C3orf70: variants seen among roughly 807,000 people sequenced by gnomAD.
C3orf70 encodes UPF0524 protein C3orf70.
A neutral mutation model predicts 20.7 loss-of-function variants in C3orf70; 15 were observed. The ratio of observed to expected loss-of-function variants is 0.72; its 90% confidence interval spans 0.48 to 1.11. The LOEUF (loss-of-function observed/expected upper bound fraction) is 1.11, where lower values mean the gene tolerates loss of function less well. Ranked by LOEUF, C3orf70 falls within the 50% of genes most tolerant of loss-of-function variation. The pLI, the probability that C3orf70 is intolerant of heterozygous loss-of-function variation, is 0.00. For synonymous variants in C3orf70, 161 were observed against 125.7 expected, an observed-to-expected ratio of 1.28 and a Z score of -1.88; for missense variants, 332 against 317.6, an observed-to-expected ratio of 1.05 and a Z score of -0.34.
intron 1 of C3orf70, among the ~76,000 whole-genome samples, chr3:185,130,667 C>T (rs938430682): frequency 7.2e-5 from 11 of 152,154 alleles, no homozygotes; most frequent in Admixed American, 5.2e-4. Context: ...TCTGTCTCTA[C>T]AAATTTGCTT....
chr3:185,144,895 T>C (rs1346706938), intron 1 of C3orf70, among the ~76,000 whole-genome samples: 1 of 152,210 alleles, frequency 6.6e-6, no homozygotes, highest in Non-Finnish European at 1.5e-5. Flanking sequence ...GCACCCACCA[T>C]GGCGCTTGGA....
chr3:185,092,582 G>A (rs1270452824), intron 1 of C3orf70, among the ~76,000 whole-genome samples: 1 of 152,190 alleles, frequency 6.6e-6, no homozygotes, highest in African/African-American at 2.4e-5. Context: ...TCCTCATGGA[G>A]CTTACACTCT....
At position 185,083,280 on chromosome 3, in the gene C3orf70, C is replaced by T. The variant is rs762650784; in HGVS notation, c.480G>A (p.Glu160=). The change falls in exon 2 of 2, where the codon GAG becomes GAA. Residue 160 remains glutamate (E), a synonymous_variant. Transcript: ENST00000335012. ...PAPHSHRMSP[E]EVSAHDALIS... is the part of the protein sequence containing the mutation. ...TTAAGGCATCGTGTGCAGAGACCTCCTCAGGGCTCATTCTGTGGGAATGTG... is the reference window on the plus strand; with the variant it reads ...TTAAGGCATCGTGTGCAGAGACCTCTTCAGGGCTCATTCTGTGGGAATGTG... 1 of 1,614,208 alleles carries T rather than the reference C, an allele frequency of 6.2e-7. No individual in the cohort carries two copies. Among genetic ancestry groups the T allele is most frequent in the Non-Finnish European group, 8.5e-7 (1 of 1,180,046 alleles).
chr3:185,089,663 T>C (rs1715525436), intron 1 of C3orf70, among the ~76,000 whole-genome samples: 1 of 152,188 alleles, frequency 6.6e-6, no homozygotes, highest in Non-Finnish European at 1.5e-5. Flanking sequence ...AATATAAAAA[T>C]ATCACAAACT....
rs1407128714 is a variant in C3orf70 at position 185,143,420 on chromosome 3, T to A, written c.196+9208A>T. Among the ~76,000 whole-genome samples the A allele has an allele frequency of 3.3e-5, 5 of 152,314 alleles. 1 individual carries two copies. The South Asian group carries it at 1.0e-3, about 32-fold the overall frequency. On this transcript the variant is annotated intron_variant, in intron 1 of 1. Coordinates refer to ENST00000335012, the MANE Select transcript of C3orf70 (RefSeq NM_001025266.3). ...GAGATATACAGAAGTACATCTGTAT[T>A]ACACCAAAACACCCAGTTTTAAATG... is the stretch of plus-strand genomic sequence containing the variant.
At chr3:185,100,903 G>GAAC (rs1715808255) in intron 1 of C3orf70, among the ~76,000 whole-genome samples, 1 of 152,024 alleles carries the variant, frequency 6.6e-6, no homozygotes, top group Non-Finnish European at 1.5e-5. Flanking sequence ...AGAATATTAT[G>GAAC]AACACCTCTA....
chr3:185,101,183 T>C (rs1715815617), intron 1 of C3orf70, among the ~76,000 whole-genome samples: 1 of 152,170 alleles, frequency 6.6e-6, no homozygotes, highest in Non-Finnish European at 1.5e-5. Context: ...ACTTATTCTA[T>C]GAGGCCAGCA....
chr3:185,138,875 G>A (rs1027751708), intron 1 of C3orf70, among the ~76,000 whole-genome samples: 2 of 152,004 alleles, frequency 1.3e-5, no homozygotes, highest in Non-Finnish European at 2.9e-5. Context: ...CAAGGTGGGA[G>A]GACTGCTTGA....
rs769034448 is a variant in C3orf70, at chr3:185,139,678, T to C, written c.196+12950A>G. 2.6e-5 allele frequency among the ~76,000 whole-genome samples: 4 copies of C among 151,394 alleles called. No homozygotes were observed. In the East Asian group the frequency reaches 7.8e-4, roughly 29 times the overall value. On this transcript the variant is annotated intron_variant, in intron 1 of 1. Transcript: ENST00000335012. ...AGGGACAAAATAGAAAACCCAGAAA[T>C]AGACCCACACAATATGATTTTTGAC...
At chr3:185,117,958 C>A (rs1167162899) in intron 1 of C3orf70, among the ~76,000 whole-genome samples, 1 of 152,142 alleles carries the variant, frequency 6.6e-6, no homozygotes, top group Non-Finnish European at 1.5e-5. Flanking sequence ...GGGAATACTG[C>A]CCCAATCCCC....
At chr3:185,100,561 G>A (rs1175577075) in intron 1 of C3orf70, among the ~76,000 whole-genome samples, 1 of 152,098 alleles carries the variant, frequency 6.6e-6, no homozygotes. Flanking sequence ...AGAGGGAAAT[G>A]TATAGCACTA....
At chr3:185,142,569 G>A (rs1211670150) in intron 1 of C3orf70, among the ~76,000 whole-genome samples, 7 of 152,196 alleles carry the variant, frequency 4.6e-5, no homozygotes, top group Non-Finnish European at 7.3e-5. Flanking sequence ...AACCACCAGC[G>A]TAGTAAGTGA....
chr3:185,147,485 G>C (rs1400864819), intron 1 of C3orf70, among the ~76,000 whole-genome samples: 3 of 152,150 alleles, frequency 2.0e-5, no homozygotes, highest in Non-Finnish European at 4.4e-5. Context: ...ATGGAACTGA[G>C]CTCTGTTGGT....
intron 1 of C3orf70, among the ~76,000 whole-genome samples, chr3:185,136,360 G>A (rs926018548): frequency 6.6e-6 from 1 of 152,192 alleles, no homozygotes; most frequent in Non-Finnish European, 1.5e-5. Flanking sequence ...GGCCAAGGCA[G>A]GTGGATCACC....
At chr3:185,088,847 AC>A (rs1378312697) in intron 1 of C3orf70, among the ~76,000 whole-genome samples, 1 of 152,206 alleles carries the variant, frequency 6.6e-6, no homozygotes, top group Non-Finnish European at 1.5e-5. Context: ...TAAACCACAC[AC>A]CATGATTCTT....
chr3:185,132,403 A>C (rs1380325297), intron 1 of C3orf70, among the ~76,000 whole-genome samples: 1 of 144,738 alleles, frequency 6.9e-6, no homozygotes, highest in African/African-American at 2.6e-5. Flanking sequence ...AAAAGAATCA[A>C]ATAGAAGATC....
Position 185,083,251 on chromosome 3 carries a change from G to C in C3orf70, c.509C>G (p.Ser170Ter). 6.2e-7 allele frequency: 1 copy of C among 1,614,210 alleles called. No homozygotes were observed. The highest frequency in any genetic ancestry group is 8.5e-7 in the Non-Finnish European group (1 of 1,180,044). The change falls in exon 2 of 2, where the codon TCA (serine) becomes TGA (stop). Residue 170 changes from serine (S) to a stop codon, truncating the protein, a stop_gained. Coordinates refer to ENST00000335012, the MANE Select transcript of C3orf70 (RefSeq NM_001025266.3). LOFTEE classifies it high-confidence loss of function. The stretch of plus-strand genomic sequence containing the variant: ...TATTTTTGGTGTATTGCTCTCTTTT[G>C]AAATTAAGGCATCGTGTGCAGAGAC... ...EEVSAHDALISKESNTPKIDH... is the reference protein window; with the variant it reads ...EEVSAHDALI
intron 1 of C3orf70, among the ~76,000 whole-genome samples, chr3:185,131,404 G>C (rs187809738): frequency 6.6e-6 from 1 of 152,256 alleles, no homozygotes; most frequent in East Asian, 1.9e-4. Context: ...AATAGAGTTT[G>C]CCTGAAGTCT....
intron 1 of C3orf70, among the ~76,000 whole-genome samples, chr3:185,102,173 C>T (rs373759053): frequency 6.6e-6 from 1 of 152,198 alleles, no homozygotes; most frequent in Non-Finnish European, 1.5e-5. Context: ...GAAAACCCCA[C>T]AGTCTCGGCC....
Sources: allele counts gnomAD v4.1 joint callset (sites outside exome capture counted in the v4.1 genomes callset), GRCh38; gene constraint gnomAD v4.1.1; transcripts MANE v1.5; gene names NCBI Gene and HGNC (gene_info 2026-07-23, HGNC 2026-07-21).